The following SIM1 variants were observed in gnomAD, a reference collection of about 807,000 sequenced individuals.
SIM1 encodes the protein SIM bHLH transcription factor 1.
SIM1 carries 18 observed loss-of-function variants against 78.2 expected under a neutral mutation model. The ratio of observed to expected loss-of-function variants is 0.23; its 90% CI spans 0.16 to 0.34. The LOEUF (loss-of-function observed/expected upper bound fraction) is 0.34. Among genes scored for constraint, SIM1 ranks in the 10% least tolerant of loss-of-function variants. The pLI is 1.00. For missense variants in SIM1, 939 were observed against 975.1 expected (o/e 0.96, Z 0.49); for synonymous variants, 417 against 385.2 (o/e 1.08, Z -0.97).
rs1772902895 is a variant in SIM1, at chr6:100,463,323, T to G, written c.146A>C (p.Tyr49Ser). 6.2e-7 allele frequency: 1 copy of G among 1,612,938 alleles called. No homozygotes were observed. The highest frequency in any genetic ancestry group is 1.3e-5 in the African/African-American group (1 of 74,908). Residue 49 changes from tyrosine to serine, a missense_variant, in exon 2 of 12, where the codon TAT becomes TCT. Coordinates refer to ENST00000369208, the MANE Select transcript of SIM1 (RefSeq NM_005068.3). Reference sequence around the variant, plus strand: ...TGGGAACACCACTCTCATTTTGAGATAGCTGGTCGTGAGTCTGATTATGGA... The same window carrying G: ...TGGGAACACCACTCTCATTTTGAGAGAGCTGGTCGTGAGTCTGATTATGGA... ...KASIIRLTTS[Y>S]LKMRVVFPEG...
Position 100,393,496 on chromosome 6 carries a change from T to C in SIM1, c.1561A>G (p.Arg521Gly). ...TTTCACCTGCTCTTACCATGGATCCTGTGGACTGAAGCGATGTGAGGCATG... is the reference window on the plus strand; with the variant it reads ...TTTCACCTGCTCTTACCATGGATCCCGTGGACTGAAGCGATGTGAGGCATG... ...NSMPHIASVH[R>G]IHGRGHWDED... The change falls in exon 11 of 12, where the codon AGG becomes GGG. Residue 521 changes from arginine (R) to glycine (G), a missense_variant. By Grantham distance (125) the Arg-to-Gly change is moderately radical (BLOSUM62 -2). Transcript: ENST00000369208. The C allele has an allele frequency of 3.9e-6, 6 of 1,535,220 alleles. No homozygotes were observed. The highest frequency in any genetic ancestry group is 5.3e-6 in the Non-Finnish European group (6 of 1,137,918).
chr6:100,400,202 T>C (rs1770872250), intron 10 of SIM1, among the ~76,000 whole-genome samples: 1 of 151,530 alleles, frequency 6.6e-6, no homozygotes, highest in Non-Finnish European at 1.5e-5. Flanking sequence ...CAGAGTAAAG[T>C]AAATTTTAAA....
chr6:100,448,728 C>T lies in SIM1; in HGVS notation c.544-50G>A. 1.3e-6 allele frequency: 2 copies of T among 1,542,886 alleles called. 1 individual carries two copies. The highest frequency in any genetic ancestry group is 2.3e-5 in the South Asian group (2 of 87,442). On this transcript the variant is annotated intron_variant, in intron 6 of 11. Transcript: ENST00000369208. Reference sequence around the variant, plus strand: ...GACTCAGCCACAGGTAGGAAGAGCCCCCAAAAGGTGGAGAAGGGGTTGAAA... The same window carrying T: ...GACTCAGCCACAGGTAGGAAGAGCCTCCAAAAGGTGGAGAAGGGGTTGAAA...
intron 9 of SIM1, among the ~76,000 whole-genome samples, chr6:100,424,489 G>GT (rs1268045503): frequency 2.6e-5 from 4 of 152,100 alleles, no homozygotes; most frequent in African/African-American, 9.7e-5. Flanking sequence ...AAGTTGGAGT[G>GT]CAGTGGTGCA....
Position 100,393,568 on chromosome 6 carries a change from G to T in SIM1, c.1489C>A (p.Pro497Thr), listed in dbSNP as rs760885224. 1.2e-6 allele frequency: 2 copies of T among 1,612,950 alleles called. No homozygotes were observed. Among genetic ancestry groups the T allele is most frequent in the African/African-American group, 1.3e-5 (1 of 74,918 alleles). Reference sequence around the variant, plus strand: ...CTTTCTGGGGAGGCCTTTGTCAGGGGCAAGGCTGCGCGAGAGCCCCACCAG... The same window carrying T: ...CTTTCTGGGGAGGCCTTTGTCAGGGTCAAGGCTGCGCGAGAGCCCCACCAG... ...EPWWGSRAAL[P>T]LTKASPESRE... is the part of the protein sequence containing the mutation. Residue 497 changes from proline to threonine, a missense_variant, in exon 11 of 12, where the codon CCC becomes ACC. Coordinates refer to ENST00000369208, the MANE Select transcript of SIM1 (RefSeq NM_005068.3).
At position 100,453,947 on chromosome 6, in the gene SIM1, C is replaced by G; in HGVS notation, c.176-103G>C. 5.4e-6 allele frequency: 4 copies of G among 747,354 alleles called. No homozygotes were observed. In the Admixed American group the frequency reaches 8.4e-5, roughly 16 times the overall value. 46.3% of individuals were successfully genotyped at this position (747,354 alleles called of 1,614,324 possible). A position where few individuals can be genotyped will look rare whatever the true frequency, so the allele number is the denominator to read the frequency against. ...ATTACCCGAGTGCCGGCCCCTTTGA[C>G]TGGATACCATAGGGGATCCCTCTCA... On this transcript the variant is annotated intron_variant, in intron 2 of 11. Transcript: ENST00000369208.
At chr6:100,400,415 C>A (rs1293081708) in intron 10 of SIM1, among the ~76,000 whole-genome samples, 1 of 151,550 alleles carries the variant, frequency 6.6e-6, no homozygotes, top group African/African-American at 2.4e-5. Flanking sequence ...CCTCTGATCA[C>A]AATGCATAAA....
intron 9 of SIM1, among the ~76,000 whole-genome samples, chr6:100,429,063 T>G (rs1208206836): frequency 6.6e-6 from 1 of 151,998 alleles, no homozygotes; most frequent in Non-Finnish European, 1.5e-5. Context: ...TAATTAGAAA[T>G]AAGTATCAAG....
chr6:100,432,549 G>A (rs1476750805), intron 9 of SIM1, among the ~76,000 whole-genome samples: 2 of 151,950 alleles, frequency 1.3e-5, no homozygotes, highest in African/African-American at 2.4e-5. Context: ...TCCCCAAGGC[G>A]TACCTCACTG....
intron 10 of SIM1, among the ~76,000 whole-genome samples, chr6:100,415,339 G>A (rs1263641764): frequency 6.6e-6 from 1 of 152,060 alleles, no homozygotes; most frequent in Non-Finnish European, 1.5e-5. Flanking sequence ...ATAAACTCAG[G>A]TTTTCTAATT....
chr6:100,412,655 AAG>A (rs370580427), intron 10 of SIM1, among the ~76,000 whole-genome samples: 9,833 of 96,386 alleles, frequency 0.1, 1,349 homozygotes, highest in Middle Eastern at 0.17. Flanking sequence ...GAAAGAAAGA[AAG>A]AGAGAGAGAG....
At chr6:100,456,621 G>A (rs1772670744) in intron 2 of SIM1, among the ~76,000 whole-genome samples, 1 of 152,144 alleles carries the variant, frequency 6.6e-6, no homozygotes, top group Admixed American at 6.5e-5. Flanking sequence ...ATCTATTTTG[G>A]AAGATTTCCA....
At chr6:100,418,419 C>A (rs1771469330) in intron 10 of SIM1, among the ~76,000 whole-genome samples, 1 of 149,174 alleles carries the variant, frequency 6.7e-6, no homozygotes, top group South Asian at 2.1e-4. Flanking sequence ...AAATTTTCTA[C>A]TTTCTACTCA....
chr6:100,409,759 T>TA (rs1303783482), intron 10 of SIM1, among the ~76,000 whole-genome samples: 1 of 152,174 alleles, frequency 6.6e-6, no homozygotes, highest in African/African-American at 2.4e-5. Flanking sequence ...AGATATTTTT[T>TA]ATTTCTTTTT....
At chr6:100,458,013 TCTCTC>T (rs1772721693) in intron 2 of SIM1, among the ~76,000 whole-genome samples, 262 of 12,392 alleles carry the variant, frequency 0.021, 4 homozygotes, top group African/African-American at 0.05. Context: ...TCTTTCTCTC[TCTCTC>T]TCTCTCTCTC....
At chr6:100,460,891 C>T (rs147462635) in intron 2 of SIM1, among the ~76,000 whole-genome samples, 237 of 152,290 alleles carry the variant, frequency 1.6e-3, no homozygotes, top group Admixed American at 3.9e-3. Flanking sequence ...AAATTAAAAA[C>T]TCATCCCTAG....
intron 11 of SIM1, among the ~76,000 whole-genome samples, chr6:100,392,309 G>A (rs1248033693): frequency 2.0e-5 from 3 of 152,216 alleles, no homozygotes; most frequent in Admixed American, 2.0e-4. Flanking sequence ...ACAGTCTGAA[G>A]TCAATATAAA....
At chr6:100,412,731 GAAAGAAAGAAAGAA>G (rs1771277009) in intron 10 of SIM1, among the ~76,000 whole-genome samples, 1 of 137,246 alleles carries the variant, frequency 7.3e-6, no homozygotes, top group Admixed American at 7.4e-5. Context: ...AAGAAAGAAA[GAAAGAAAGAAAGAA>G]AGAAAGAAAA....
intron 9 of SIM1, among the ~76,000 whole-genome samples, chr6:100,443,629 G>A (rs1289764203): frequency 6.6e-6 from 1 of 151,990 alleles, no homozygotes; most frequent in Non-Finnish European, 1.5e-5. Flanking sequence ...GTTTTTAACG[G>A]CACCAGTAAA....
Sources: gnomAD v4.1 joint callset for allele counts (sites outside exome capture counted in the v4.1 genomes callset) on GRCh38, gnomAD v4.1.1 for gene constraint, MANE v1.5 for transcripts, NCBI Gene and HGNC (gene_info 2026-07-23, HGNC 2026-07-21) for gene names.